The following CAMKK2 variants were observed in gnomAD, a reference collection of about 807,000 sequenced individuals.
CAMKK2 encodes the protein calcium/calmodulin-dependent protein kinase kinase 2.
A neutral mutation model predicts 67.2 loss-of-function variants in CAMKK2; 30 were observed. The observed-to-expected ratio is 0.45, with a 90% CI of 0.33 to 0.61. CAMKK2 has a LOEUF of 0.61. Among genes scored for constraint, CAMKK2 ranks in the 20% least tolerant of loss-of-function variants. CAMKK2 has a pLI of 0.02. For missense variants in CAMKK2, 643 were observed against 802.0 expected, an observed-to-expected ratio of 0.80 and a Z score of 2.39; for synonymous variants, 322 against 326.2, an observed-to-expected ratio of 0.99 and a Z score of 0.14.
intron 1 of CAMKK2, among the ~76,000 whole-genome samples, chr12:121,278,892 C>G (rs1897256620): frequency 6.6e-6 from 1 of 152,234 alleles, no homozygotes; most frequent in African/African-American, 2.4e-5. Context: ...AGCTGGCCTG[C>G]TCTTAAGTGT....
chr12:121,244,530 T>G (rs199764391), intron 16 of CAMKK2, 43 bp downstream of exon 16: 120 of 1,541,748 alleles, frequency 7.8e-5, no homozygotes, highest in Non-Finnish European at 1.0e-4. Flanking sequence ...CCCGCCCCCC[T>G]CAGGCCCCAG....
At chr12:121,291,384 T>C (rs1899988748) in intron 1 of CAMKK2, among the ~76,000 whole-genome samples, 1 of 152,172 alleles carries the variant, frequency 6.6e-6, no homozygotes, top group Admixed American at 6.5e-5. Flanking sequence ...TGTCTATCAA[T>C]GGATGAATGT....
chr12:121,269,716 G>A (rs1025601132), intron 3 of CAMKK2, 135 bp from the exon 4 acceptor site: 10 of 697,624 alleles, frequency 1.4e-5, no homozygotes, highest in African/African-American at 1.3e-4. Flanking sequence ...TGGAGCCCAG[G>A]TTTTTACAAA....
intron 14 of CAMKK2, 124 bp downstream of exon 14, chr12:121,248,482 G>A (rs1411735873): frequency 7.2e-6 from 8 of 1,105,186 alleles, no homozygotes; most frequent in Non-Finnish European, 1.1e-5. Flanking sequence ...GCCAGCAGCT[G>A]TGGATTAGGG....
In CAMKK2 at chr12:121,240,134, C is replaced by A. The variant is rs199800871; in HGVS notation, c.*565G>T. The A allele has an allele frequency of 6.8e-5, 23 of 338,982 alleles. No individual in the cohort carries two copies. Among genetic ancestry groups the A allele is most frequent in the Non-Finnish European group, 1.2e-4 (23 of 186,114 alleles). 21.0% of individuals were successfully genotyped at this position (338,982 alleles called of 1,614,324 possible). A position where few individuals can be genotyped will look rare whatever the true frequency, so the allele number is the denominator to read the frequency against. On this transcript the variant is annotated 3_prime_UTR_variant, in exon 17 of 17. Coordinates refer to ENST00000404169, the MANE Select transcript of CAMKK2 (RefSeq NM_001270485.2). The surrounding 1 kb of genome is among the most constrained non-coding windows in gnomAD (Gnocchi z 4.4). ...TCTACCCATAAAAAATTTAAAAATC[C>A]TTCTTACAAATAAGTTGCATCAAAG...
intron 1 of CAMKK2, among the ~76,000 whole-genome samples, chr12:121,290,446 T>C (rs1899765366): frequency 6.6e-6 from 1 of 152,170 alleles, no homozygotes; most frequent in Non-Finnish European, 1.5e-5. Context: ...CCAGCACTTT[T>C]GGAGGCCAAG....
intron 14 of CAMKK2, 111 bp downstream of exon 14, chr12:121,248,495 G>T: frequency 7.9e-7 from 1 of 1,259,148 alleles, no homozygotes; most frequent in Non-Finnish European, 1.1e-6. Flanking sequence ...GATTAGGGGT[G>T]GCCCCCGGAC....
intron 1 of CAMKK2, among the ~76,000 whole-genome samples, chr12:121,281,471 T>C (rs930536439): frequency 4.6e-5 from 7 of 152,264 alleles, no homozygotes; most frequent in Admixed American, 4.6e-4. Context: ...CCACACCCTG[T>C]CTCACATGGG....
intron 5 of CAMKK2, among the ~76,000 whole-genome samples, 181 bp downstream of exon 5, chr12:121,268,457 C>T (rs978608686): frequency 5.9e-5 from 9 of 151,930 alleles, no homozygotes; most frequent in African/African-American, 1.9e-4. Context: ...TGCAGTGGTG[C>T]GATCTTGGCT....
At chr12:121,281,286 G>A (rs1047433468) in intron 1 of CAMKK2, among the ~76,000 whole-genome samples, 1 of 152,238 alleles carries the variant, frequency 6.6e-6, no homozygotes, top group Non-Finnish European at 1.5e-5. Flanking sequence ...GCAGCAAGCT[G>A]CCAGTGGGTG....
chr12:121,265,025 G>A (rs1227872054), intron 5 of CAMKK2, among the ~76,000 whole-genome samples: 2 of 151,834 alleles, frequency 1.3e-5, no homozygotes, highest in Admixed American at 6.6e-5. Context: ...ATGAAGCCAG[G>A]GAGAAGAAAA....
Position 121,253,154 on chromosome 12 carries a change from C to G in CAMKK2, c.1107+119G>C. ...CTAGCCAAGCCTGAAGCCTACCCCT[C>G]AGTATCTTGATCCAGGGGATTCACT... On this transcript the variant is annotated intron_variant, in intron 10 of 16. Transcript: ENST00000404169. This position sits in a 1 kb window ranked among gnomAD's most constrained non-coding sequence, Gnocchi z 5.0. 1 of 827,186 alleles carries G rather than the reference C, an allele frequency of 1.2e-6. No individual in the cohort carries two copies. Among genetic ancestry groups the G allele is most frequent in the Non-Finnish European group, 2.0e-6 (1 of 504,426 alleles). The allele number at this position is 827,186 out of a possible 1,614,324, so 51.2% of individuals were successfully genotyped here.
chr12:121,267,630 T>G (rs925340500), intron 5 of CAMKK2, among the ~76,000 whole-genome samples: 4 of 151,858 alleles, frequency 2.6e-5, no homozygotes, highest in Non-Finnish European at 5.9e-5. Flanking sequence ...GTAGCTGGGA[T>G]TACAGGCACA....
chr12:121,273,454 T>C (rs1896156010), intron 2 of CAMKK2, among the ~76,000 whole-genome samples: 1 of 152,026 alleles, frequency 6.6e-6, no homozygotes, highest in African/African-American at 2.4e-5. Context: ...GGATCTGAGT[T>C]CTCTGTATCC....
At position 121,239,133 on chromosome 12, in the gene CAMKK2, C is replaced by G. The variant is rs1887957161; in HGVS notation, c.*1566G>C. On this transcript the variant is annotated 3_prime_UTR_variant, in exon 17 of 17. Transcript: ENST00000404169. ...TCCATGAATGGGCTGGGCAGGGGCACGAGGCCTTGCCTTTGTCTGAGAAGT... is the reference window on the plus strand; with the variant it reads ...TCCATGAATGGGCTGGGCAGGGGCAGGAGGCCTTGCCTTTGTCTGAGAAGT... The G allele has an allele frequency of 1.3e-5, 2 of 152,272 alleles. No homozygotes were observed. Among genetic ancestry groups the G allele is most frequent in the East Asian group, 3.8e-4 (2 of 5,200 alleles). 9.4% of individuals were successfully genotyped at this position (152,272 alleles called of 1,614,324 possible).
In CAMKK2 at chr12:121,245,157, C is replaced by A. The variant is rs200496494; in HGVS notation, c.1536G>T (p.Ala512=). 2 of 1,603,092 alleles carry A rather than the reference C, an allele frequency of 1.2e-6. No homozygotes were observed. Among genetic ancestry groups the A allele is most frequent in the South Asian group, 1.1e-5 (1 of 89,040 alleles). ...CCACTCACGTGAGCAAGTTTCCAGG[C>A]GCTGACAGTGAGCGTTCCTCCCGCC... ...GSRREERSLS[A]PGNLLTKKPT... Residue 512 remains alanine (A), a synonymous_variant, in exon 15 of 17, where the codon GCG becomes GCT. Transcript: ENST00000404169. This position sits in a 1 kb window ranked among gnomAD's most constrained non-coding sequence, Gnocchi z 5.8.
chr12:121,240,788 G>T lies in CAMKK2; in HGVS notation c.1678C>A (p.Pro560Thr), dbSNP rs1421110149. The change falls in exon 17 of 17, where the codon CCC becomes ACC. Residue 560 changes from proline (P) to threonine (T), a missense_variant. By Grantham distance (38) the Pro-to-Thr change is conservative. Transcript: ENST00000404169. The surrounding 1 kb of genome is among the most constrained non-coding windows in gnomAD (Gnocchi z 4.4). The stretch of plus-strand genomic sequence containing the variant: ...GGGGCCCAGCAACTTTCCACGCAGG[G>T]ACTGCCTCTCACAAGAGCACTTCCT... ...GGGSALVRGS[P>T]CVESCWAPAP... 1 of 1,610,224 alleles carries T rather than the reference G, an allele frequency of 6.2e-7. No individual in the cohort carries two copies. The highest frequency in any genetic ancestry group is 1.3e-5 in the African/African-American group (1 of 74,890).
chr12:121,255,929 G>A (rs1892190600), intron 7 of CAMKK2, 125 bp from the exon 8 acceptor site: 2 of 884,456 alleles, frequency 2.3e-6, no homozygotes, highest in Non-Finnish European at 3.7e-6. Flanking sequence ...TAGAGCTGGG[G>A]AGAGGAACAG....
chr12:121,287,144 G>C (rs1263637151), intron 1 of CAMKK2, among the ~76,000 whole-genome samples: 1 of 152,042 alleles, frequency 6.6e-6, no homozygotes, highest in East Asian at 1.9e-4. Flanking sequence ...GGGCTCAAGT[G>C]ATCCACCTGC....
Sources: allele counts gnomAD v4.1 joint callset (sites outside exome capture counted in the v4.1 genomes callset), GRCh38; gene constraint gnomAD v4.1.1; non-coding constraint Gnocchi (gnomAD v3.1); transcripts MANE v1.5; gene names NCBI Gene and HGNC (gene_info 2026-07-23, HGNC 2026-07-21).